The following MAP3K13 variants were observed in gnomAD, a reference collection of about 807,000 sequenced individuals.
MAP3K13 encodes the protein mitogen-activated protein kinase kinase kinase 13.
In MAP3K13, 52 loss-of-function variants were observed where a neutral mutation model predicts 104.0. The ratio of observed to expected loss-of-function variants is 0.50; its 90% CI spans 0.40 to 0.63. MAP3K13 has a LOEUF of 0.63. Ranked by LOEUF, MAP3K13 falls within the 20% of genes least tolerant of loss-of-function variation. The probability of loss-of-function intolerance (pLI) is 0.00; values close to 1 mark genes in which losing one functional copy is unlikely to be tolerated. For missense variants in MAP3K13, 914 were observed against 1,218.5 expected (o/e 0.75, Z 3.72); for synonymous variants, 394 against 442.2 (o/e 0.89, Z 1.37).
At position 185,473,201 on chromosome 3, in the gene MAP3K13, G is replaced by A. The variant is rs1386598232; in HGVS notation, c.1870G>A (p.Ala624Thr). 16 of 1,614,030 alleles carry A rather than the reference G, an allele frequency of 9.9e-6. No homozygotes were observed. The highest frequency in any genetic ancestry group is 1.4e-5 in the Non-Finnish European group (16 of 1,180,034). ...NSPHPTYLHQAQSQYPSLHHH... is the reference protein window; with the variant it reads ...NSPHPTYLHQTQSQYPSLHHH... ...ACCCCATCCCACTTACCTGCACCAA[G>A]CTCAATCCCAATACCCTTCTCTTCA... The change falls in exon 11 of 14, where the codon GCT (alanine) becomes ACT (threonine). Residue 624 changes from alanine to threonine, a missense_variant. Ala to Thr is a moderately conservative substitution (Grantham distance 58, BLOSUM62 0). Around this residue, in one of 3 missense-constraint regions of MAP3K13, gnomAD observed 583 missense variants for 737.4 expected, o/e 0.79. Transcript: ENST00000265026. The surrounding 1 kb of genome is among the most constrained non-coding windows in gnomAD (Gnocchi z 4.9).
At position 185,454,837 on chromosome 3, in the gene MAP3K13, T is replaced by TATATATATGAGATATATACATG. The variant is rs1204908819; in HGVS notation, c.1278+3451_1278+3472dup. ...ATATATATATGAGATATATACATGA[T>TATATATATGAGATATATACATG]ATATATATGAGATATATACATGATA... On this transcript the variant is annotated intron_variant, in intron 7 of 13. Coordinates refer to ENST00000265026, the MANE Select transcript of MAP3K13 (RefSeq NM_004721.5). 4.7e-5 allele frequency among the ~76,000 whole-genome samples: 4 copies of TATATATATGAGATATATACATG among 85,214 alleles called. 2 individuals are homozygous for TATATATATGAGATATATACATG. The highest frequency in any genetic ancestry group is 1.7e-4 in the African/African-American group (4 of 23,278). 55.9% of individuals were successfully genotyped at this position (85,214 alleles called of 152,430 possible). A position where few individuals can be genotyped will look rare whatever the true frequency, so the allele number is the denominator to read the frequency against.
intron 2 of MAP3K13, among the ~76,000 whole-genome samples, chr3:185,331,116 G>A (rs1333693159): frequency 1.8e-4 from 11 of 59,546 alleles, no homozygotes; most frequent in Admixed American, 3.7e-4. Flanking sequence ...TTTTTGAGAC[G>A]GAGTTTCACT....
intron 1 of MAP3K13, among the ~76,000 whole-genome samples, chr3:185,367,383 AAG>A (rs1006324597): frequency 1.4e-4 from 21 of 152,146 alleles, no homozygotes; most frequent in African/African-American, 5.1e-4. Context: ...CTTAGAACAG[AAG>A]AGAGAGAGAG....
intron 1 of MAP3K13, among the ~76,000 whole-genome samples, chr3:185,372,348 T>G (rs1479864626): frequency 6.6e-6 from 1 of 152,194 alleles, no homozygotes; most frequent in East Asian, 1.9e-4. Flanking sequence ...TGGAGTAGGA[T>G]TCCTTCCATC....
intron 2 of MAP3K13, among the ~76,000 whole-genome samples, chr3:185,352,571 A>C (rs1723175644): frequency 6.6e-6 from 1 of 152,214 alleles, no homozygotes; most frequent in Admixed American, 6.5e-5. Flanking sequence ...ATTTTAAGCC[A>C]CTAAAACAAT....
intron 1 of MAP3K13, among the ~76,000 whole-genome samples, chr3:185,397,684 T>C (rs1389771861): frequency 1.3e-5 from 2 of 152,100 alleles, no homozygotes; most frequent in African/African-American, 4.8e-5. Flanking sequence ...CTTTCCTTTT[T>C]ACAGGGGGGA....
chr3:185,425,004 T>A (rs1242747613), intron 1 of MAP3K13, among the ~76,000 whole-genome samples: 2 of 152,182 alleles, frequency 1.3e-5, no homozygotes, highest in Admixed American at 6.5e-5. Flanking sequence ...AATTTTTGTA[T>A]TTTCTGTAAT....
chr3:185,320,563 A>C (rs1448317102), intron 2 of MAP3K13, among the ~76,000 whole-genome samples: 2 of 152,212 alleles, frequency 1.3e-5, no homozygotes, highest in Non-Finnish European at 2.9e-5. Flanking sequence ...TTTTAGAAAA[A>C]TTACAACCTG....
At chr3:185,313,680 A>T in intron 2 of MAP3K13, among the ~76,000 whole-genome samples, 1 of 152,166 alleles carries the variant, frequency 6.6e-6, no homozygotes. Context: ...CAAGTTTGAA[A>T]AGTAAAAATT....
intron 2 of MAP3K13, among the ~76,000 whole-genome samples, chr3:185,354,249 AT>A (rs1378293618): frequency 1.3e-5 from 2 of 151,240 alleles, no homozygotes; most frequent in Non-Finnish European, 2.9e-5. Context: ...GGACATATCT[AT>A]CTGCTAAGGG....
At position 185,429,529 on chromosome 3, in the gene MAP3K13, G is replaced by C. The variant is rs532428247; in HGVS notation, c.475+473G>C. 5.3e-5 allele frequency among the ~76,000 whole-genome samples: 8 copies of C among 152,312 alleles called. No homozygotes were observed. In the South Asian group the frequency reaches 1.5e-3, roughly 28 times the overall value. ...GCACTTTGGGAAGCTGAGGCAGGAG[G>C]ATTACTTGAGCCCAGGAGTTTGAGG... On this transcript the variant is annotated intron_variant, in intron 2 of 13. Transcript: ENST00000265026.
intron 7 of MAP3K13, among the ~76,000 whole-genome samples, chr3:185,455,277 G>GATATATGAGATAT (rs1421350873): frequency 3.7e-4 from 13 of 34,742 alleles, no homozygotes; most frequent in East Asian, 1.8e-3. Flanking sequence ...ATATATATGA[G>GATATATGAGATAT]ATATATGAGA....
rs201899137 is a variant in MAP3K13, at chr3:185,283,499, G to GAACC, written c.-205+481_-205+484dup. On this transcript the variant is annotated intron_variant, in intron 1 of 14. Transcript: ENST00000424227. ...GGAATGAATGAATGAATGAATGAAT[G>GAACC]AACCAACCAACCTGTTTCTGGCTTC... Among the ~76,000 whole-genome samples, 596 of 152,200 alleles carry GAACC rather than the reference G, an allele frequency of 3.9e-3. 6 individuals are homozygous for GAACC. The highest frequency in any genetic ancestry group is 0.014 in the African/African-American group (575 of 41,494).
intron 2 of MAP3K13, chr3:185,285,767 T>C: frequency 1.4e-6 from 1 of 707,724 alleles, no homozygotes; most frequent in South Asian, 2.4e-5. Context: ...AATCAGGACC[T>C]TCCAAAGAGA....
intron 2 of MAP3K13, among the ~76,000 whole-genome samples, chr3:185,297,875 T>A (rs890118197): frequency 6.8e-4 from 102 of 149,006 alleles, no homozygotes; most frequent in Admixed American, 6.7e-4. Context: ...TAAGAGCTAC[T>A]CTCTCTCTCT....
intron 3 of MAP3K13, among the ~76,000 whole-genome samples, chr3:185,439,979 T>C (rs996299738): frequency 6.6e-6 from 1 of 152,204 alleles, no homozygotes; most frequent in African/African-American, 2.4e-5. Context: ...ATGAATCCCA[T>C]TCAGGACCGT....
Position 185,447,799 on chromosome 3 carries a change from A to G in MAP3K13, c.862A>G (p.Thr288Ala). 6.2e-7 allele frequency: 1 copy of G among 1,606,874 alleles called. No homozygotes were observed. The highest frequency in any genetic ancestry group is 8.5e-7 in the Non-Finnish European group (1 of 1,177,810). The change falls in exon 5 of 14, where the codon ACC becomes GCC. Residue 288 changes from threonine (T) to alanine (A), a missense_variant. Physicochemically the swap from Thr to Ala is moderately conservative, Grantham distance 58. Around this residue, in one of 3 missense-constraint regions of MAP3K13, gnomAD observed 175 missense variants for 321.3 expected, o/e 0.54. Coordinates refer to ENST00000265026, the MANE Select transcript of MAP3K13 (RefSeq NM_004721.5). The part of the protein sequence containing the change: ...RDLKSPNVLV[T>A]HTDAVKISDF... The stretch of plus-strand genomic sequence containing the variant: ...TATTTCTTTTTAAAGTGTTTTAGTG[A>G]CCCACACAGATGCGGTAAAAATTTC...
intron 2 of MAP3K13, among the ~76,000 whole-genome samples, chr3:185,338,732 C>T (rs1479803081): frequency 1.3e-5 from 2 of 152,082 alleles, no homozygotes; most frequent in Non-Finnish European, 2.9e-5. Flanking sequence ...CCCATTTGTT[C>T]ATGCTCCCCT....
intron 1 of MAP3K13, among the ~76,000 whole-genome samples, chr3:185,392,982 A>G (rs1467016650): frequency 1.3e-5 from 2 of 151,968 alleles, no homozygotes; most frequent in Non-Finnish European, 2.9e-5. Flanking sequence ...AACTCAGTAG[A>G]TGGAGGTTGC....
Sources: gnomAD v4.1 joint callset for allele counts (sites outside exome capture counted in the v4.1 genomes callset) on GRCh38, gnomAD v4.1.1 for gene constraint, gnomAD v4.1.1 regional missense constraint, Gnocchi (gnomAD v3.1) non-coding constraint, MANE v1.5 for transcripts, NCBI Gene and HGNC (gene_info 2026-07-23, HGNC 2026-07-21) for gene names.